The following TMEM64 variants were observed in gnomAD, a reference collection of about 807,000 sequenced individuals.
TMEM64 encodes the protein transmembrane protein 64.
TMEM64 carries 19 observed loss-of-function variants against 24.5 expected under a neutral mutation model. The ratio of observed to expected loss-of-function variants is 0.78; its 90% CI spans 0.54 to 1.14. The LOEUF (loss-of-function observed/expected upper bound fraction) is 1.14, where lower values mean the gene tolerates loss of function less well. Among genes scored for constraint, TMEM64 ranks in the 50% most tolerant of loss-of-function variants. The pLI is 0.00. For missense variants in TMEM64, 487 were observed against 493.0 expected (o/e 0.99, Z 0.12); for synonymous variants, 262 against 224.7 (o/e 1.17, Z -1.49).
chr8:90,639,907 T>C (rs1339684934), intron 1 of TMEM64, among the ~76,000 whole-genome samples: 2 of 152,212 alleles, frequency 1.3e-5, no homozygotes, highest in Non-Finnish European at 2.9e-5. Flanking sequence ...TAATAAAACA[T>C]ACTCTATATA....
chr8:90,626,566 G>A (rs1287146853), intron 2 of TMEM64, among the ~76,000 whole-genome samples: 1 of 151,810 alleles, frequency 6.6e-6, no homozygotes, highest in Non-Finnish European at 1.5e-5. Flanking sequence ...TGTGATTTAG[G>A]GAAGCTTCAG....
chr8:90,642,027 G>C (rs1809611724), intron 1 of TMEM64, among the ~76,000 whole-genome samples: 1 of 152,110 alleles, frequency 6.6e-6, no homozygotes, highest in Non-Finnish European at 1.5e-5. Context: ...CATGGGAGAA[G>C]GGGAAAAAAT....
chr8:90,623,996 A>G lies in TMEM64; in HGVS notation c.*1675T>C, dbSNP rs1242905207. 1.3e-5 allele frequency: 2 copies of G among 151,958 alleles called. No individual in the cohort carries two copies. The highest frequency in any genetic ancestry group is 2.1e-4 in the South Asian group (1 of 4,824). 9.4% of individuals were successfully genotyped at this position (151,958 alleles called of 1,614,324 possible). A position where few individuals can be genotyped will look rare whatever the true frequency, so the allele number is the denominator to read the frequency against. On this transcript the variant is annotated 3_prime_UTR_variant, in exon 3 of 3. Transcript: ENST00000458549. The stretch of plus-strand genomic sequence containing the variant: ...AAAAGAATAAGGGTATTACAATACT[A>G]TATCTGTTTTCCTACTAATAGCAAG...
intron 2 of TMEM64, among the ~76,000 whole-genome samples, chr8:90,630,542 G>T (rs11998346): frequency 0.064 from 9,733 of 152,186 alleles, 532 homozygotes; most frequent in African/African-American, 0.15. Flanking sequence ...ACCAGTTCTT[G>T]TGGATCAGAG....
intron 2 of TMEM64, among the ~76,000 whole-genome samples, chr8:90,630,699 GA>G (rs902853794): frequency 2.0e-5 from 3 of 148,838 alleles, no homozygotes; most frequent in Non-Finnish European, 3.0e-5. Context: ...ATAAACATCT[GA>G]AAAAAAAAAT....
Position 90,645,164 on chromosome 8 carries a change from C to A in TMEM64, c.742G>T (p.Ala248Ser). 6.2e-7 allele frequency: 1 copy of A among 1,614,110 alleles called. No homozygotes were observed. The highest frequency in any genetic ancestry group is 1.1e-5 in the South Asian group (1 of 91,074). ...GGTATGGGTGTCAGTCTGGCCAGCG[C>A]CACCACTTTCAGGCCGCTTCCTCCC... is the stretch of plus-strand genomic sequence containing the variant. ...VEGGSGLKVV[A>S]LARLTPIPFG... Residue 248 changes from alanine (A) to serine (S), a missense_variant, in exon 1 of 3, where the codon GCG becomes TCG. This residue lies in a region of TMEM64 where 419 missense variants were observed against 407.5 expected (regional missense o/e 1.03). Transcript: ENST00000458549. The surrounding 1 kb of genome is among the most constrained non-coding windows in gnomAD (Gnocchi z 4.2).
intron 2 of TMEM64, among the ~76,000 whole-genome samples, chr8:90,626,285 G>A (rs1367033353): frequency 1.3e-5 from 2 of 152,162 alleles, no homozygotes; most frequent in South Asian, 2.1e-4. Flanking sequence ...AGCCCACTTA[G>A]TGAGAAGCAC....
chr8:90,645,297 G>T lies in TMEM64; in HGVS notation c.609C>A (p.Leu203=), dbSNP rs750714788. The T allele has an allele frequency of 1.3e-6, 2 of 1,590,438 alleles. No homozygotes were observed. The highest frequency in any genetic ancestry group is 1.7e-6 in the Non-Finnish European group (2 of 1,168,152). ...LGMGLMMVGV[L]IGTFIAHVVC... is the part of the protein sequence containing the mutation. ...CCACATGGGCGATGAAGGTGCCGAT[G>T]AGGACGCCCACCATCATCAGACCCA... The change falls in exon 1 of 3, where the codon CTC becomes CTA. Residue 203 remains leucine, a synonymous_variant. Transcript: ENST00000458549. The surrounding 1 kb of genome is among the most constrained non-coding windows in gnomAD (Gnocchi z 4.2).
chr8:90,630,047 A>T (rs890344191), intron 2 of TMEM64, among the ~76,000 whole-genome samples: 1 of 152,206 alleles, frequency 6.6e-6, no homozygotes, highest in Admixed American at 6.5e-5. Context: ...CTAACAAGTT[A>T]AAAGACCAGT....
At position 90,645,630 on chromosome 8, in the gene TMEM64, G is replaced by A. The variant is rs913022991; in HGVS notation, c.276C>T (p.Pro92=). 2 of 1,534,060 alleles carry A rather than the reference G, an allele frequency of 1.3e-6. No individual in the cohort carries two copies. Among genetic ancestry groups the A allele is most frequent in the East Asian group, 2.5e-5 (1 of 40,800 alleles). The change falls in exon 1 of 3, where the codon CCC becomes CCT. Residue 92 remains proline, a synonymous_variant. Transcript: ENST00000458549. This position sits in a 1 kb window ranked among gnomAD's most constrained non-coding sequence, Gnocchi z 4.2. The part of the protein sequence containing the change: ...PEPGGALAGG[P]GSGGGGVVVG... ...CCACCACGCCGCCGCCGCCACTCCC[G>A]GGGCCGCCCGCCAAGGCCCCGCCCG...
chr8:90,625,627 T>C lies in TMEM64; in HGVS notation c.*44A>G, dbSNP rs372874818. 58 of 1,536,818 alleles carry C rather than the reference T, an allele frequency of 3.8e-5. No homozygotes were observed. Among genetic ancestry groups the C allele is most frequent in the Admixed American group, 2.9e-4 (17 of 58,068 alleles). On this transcript the variant is annotated 3_prime_UTR_variant, in exon 3 of 3. Transcript: ENST00000458549. ...CACTAGTGAAGTGACTGCTAGACCT[T>C]AGATAGCACACTAGGCTCTTGACAA... is the stretch of plus-strand genomic sequence containing the variant.
chr8:90,645,154 C>G lies in TMEM64; in HGVS notation c.752G>C (p.Arg251Thr). Reference sequence around the variant, plus strand: ...AAGCCCAAAAGGTATGGGTGTCAGTCTGGCCAGCGCCACCACTTTCAGGCC... The same window carrying G: ...AAGCCCAAAAGGTATGGGTGTCAGTGTGGCCAGCGCCACCACTTTCAGGCC... Reference protein sequence around the residue: ...GSGLKVVALARLTPIPFGLQN... With the variant: ...GSGLKVVALATLTPIPFGLQN... Residue 251 changes from arginine (R) to threonine (T), a missense_variant, in exon 1 of 3, where the codon AGA becomes ACA. Physicochemically the swap from Arg to Thr is moderately conservative, Grantham distance 71. This residue lies in a region of TMEM64 where 419 missense variants were observed against 407.5 expected (regional missense o/e 1.03). Transcript: ENST00000458549. The surrounding 1 kb of genome is among the most constrained non-coding windows in gnomAD (Gnocchi z 4.2). The G allele has an allele frequency of 2.5e-6, 4 of 1,613,780 alleles. No homozygotes were observed. The highest frequency in any genetic ancestry group is 3.4e-6 in the Non-Finnish European group (4 of 1,179,726).
rs1006912304 is a variant in TMEM64, at chr8:90,623,947, A to C, written c.*1724T>G. 7 of 151,912 alleles carry C rather than the reference A, an allele frequency of 4.6e-5. No individual in the cohort carries two copies. Among genetic ancestry groups the C allele is most frequent in the Middle Eastern group, 6.8e-3 (2 of 294 alleles). The allele number at this position is 151,912 out of a possible 1,614,324, so 9.4% of individuals were successfully genotyped here. ...ACTAGATTCAAAAGAGAGAAAAAAA[A>C]CCGAAATGAGTAATTAGGATTCAAA... On this transcript the variant is annotated 3_prime_UTR_variant, in exon 3 of 3. Coordinates refer to ENST00000458549, the MANE Select transcript of TMEM64 (RefSeq NM_001008495.4).
chr8:90,633,666 T>C (rs1809473539), intron 1 of TMEM64, among the ~76,000 whole-genome samples: 2 of 152,258 alleles, frequency 1.3e-5, no homozygotes, highest in South Asian at 4.1e-4. Flanking sequence ...ATGTGTCCAT[T>C]GTGTCATACT....
chr8:90,639,270 A>G (rs1043267329), intron 1 of TMEM64, among the ~76,000 whole-genome samples: 4 of 152,122 alleles, frequency 2.6e-5, no homozygotes, highest in African/African-American at 9.7e-5. Context: ...AAGCTTTTTC[A>G]TGACTTCACT....
In TMEM64 at chr8:90,623,278, A is replaced by G. The variant is rs1395789264; in HGVS notation, c.*2393T>C. ...CATTTTATAAGTACATATGACTGAC[A>G]GCAATATTTGGACAACATAAAAGTA... On this transcript the variant is annotated 3_prime_UTR_variant, in exon 3 of 3. Coordinates refer to ENST00000458549, the MANE Select transcript of TMEM64 (RefSeq NM_001008495.4). 2 of 152,180 alleles carry G rather than the reference A, an allele frequency of 1.3e-5. No individual in the cohort carries two copies. The highest frequency in any genetic ancestry group is 2.9e-5 in the Non-Finnish European group (2 of 68,030). The allele number at this position is 152,180 out of a possible 1,614,324, so 9.4% of individuals were successfully genotyped here. A position where few individuals can be genotyped will look rare whatever the true frequency, so the allele number is the denominator to read the frequency against.
At chr8:90,643,678 T>A (rs1809642302) in intron 1 of TMEM64, among the ~76,000 whole-genome samples, 1 of 152,214 alleles carries the variant, frequency 6.6e-6, no homozygotes, top group African/African-American at 2.4e-5. Flanking sequence ...AGCCCAACCT[T>A]CTTTCAAAGT....
Position 90,645,928 on chromosome 8 carries a change from C to A in TMEM64, c.-23G>T. 1 of 1,127,750 alleles carries A rather than the reference C, an allele frequency of 8.9e-7. No individual in the cohort carries two copies. Among genetic ancestry groups the A allele is most frequent in the South Asian group, 4.3e-5 (1 of 23,304 alleles). The allele number at this position is 1,127,750 out of a possible 1,614,324, so 69.9% of individuals were successfully genotyped here. A position where few individuals can be genotyped will look rare whatever the true frequency, so the allele number is the denominator to read the frequency against. On this transcript the variant is annotated 5_prime_UTR_variant, in exon 1 of 3. It removes the in-frame stop codon of an upstream open reading frame in the 5' UTR. Transcript: ENST00000458549. The surrounding 1 kb of genome is among the most constrained non-coding windows in gnomAD (Gnocchi z 4.2). ...CATGCCTCGGCCCAGCGCGGGCCCT[C>A]AGCCGGCCAGCCCCTCCGCCGCGGC...
At position 90,625,584 on chromosome 8, in the gene TMEM64, T is replaced by A; in HGVS notation, c.*87A>T. 9.0e-7 allele frequency: 1 copy of A among 1,113,784 alleles called. No homozygotes were observed. Among genetic ancestry groups the A allele is most frequent in the Admixed American group, 2.4e-5 (1 of 41,200 alleles). 69.0% of individuals were successfully genotyped at this position (1,113,784 alleles called of 1,614,324 possible). A position where few individuals can be genotyped will look rare whatever the true frequency, so the allele number is the denominator to read the frequency against. Reference sequence around the variant, plus strand: ...CAGTTTTGTTTGTGCTGTAATACAATTAGAACTTGTCTCTGCCCACTAGTG... The same window carrying A: ...CAGTTTTGTTTGTGCTGTAATACAAATAGAACTTGTCTCTGCCCACTAGTG... On this transcript the variant is annotated 3_prime_UTR_variant, in exon 3 of 3. Coordinates refer to ENST00000458549, the MANE Select transcript of TMEM64 (RefSeq NM_001008495.4).
Sources: allele counts gnomAD v4.1 joint callset (sites outside exome capture counted in the v4.1 genomes callset), GRCh38; gene constraint gnomAD v4.1.1; regional missense constraint gnomAD v4.1.1; non-coding constraint Gnocchi (gnomAD v3.1); transcripts MANE v1.5; gene names NCBI Gene and HGNC (gene_info 2026-07-23, HGNC 2026-07-21).